Variants in MAVS observed in about 807,000 individuals in gnomAD.
MAVS encodes mitochondrial antiviral signaling protein.
In MAVS, 20 loss-of-function variants were observed where a neutral mutation model predicts 30.2. The observed-to-expected ratio is 0.66, with a 90% CI of 0.47 to 0.96. The LOEUF (loss-of-function observed/expected upper bound fraction) is 0.96. Ranked by LOEUF, MAVS falls within the 40% of genes least tolerant of loss-of-function variation. MAVS has a pLI of 0.00. For missense variants in MAVS, 624 were observed against 701.1 expected, an observed-to-expected ratio of 0.89 and a Z score of 1.24; for synonymous variants, 278 against 293.9, an observed-to-expected ratio of 0.95 and a Z score of 0.55.
At position 3,866,523 on chromosome 20, in the gene MAVS, TGCCTCTCCTGTTGCATTGGTCCCTGAAG is replaced by T. The variant is rs1456824171; in HGVS notation, c.*382_*409del. 5.8e-6 allele frequency: 2 copies of T among 347,638 alleles called. No individual in the cohort carries two copies. Among genetic ancestry groups the T allele is most frequent in the African/African-American group, 4.2e-5 (2 of 47,772 alleles). 21.5% of individuals were successfully genotyped at this position (347,638 alleles called of 1,614,324 possible). ...CACTGGAACATGTGGTGCTTGGGAA[TGCCTCTCCTGTTGCATTGGTCCCTGAAG>T]GCCTCAGGGCAGGTATGTGGTGTGT... On this transcript the variant is annotated 3_prime_UTR_variant, in exon 7 of 7. Transcript: ENST00000428216.
intron 4 of MAVS, among the ~76,000 whole-genome samples, chr20:3,861,740 G>GTT (rs912191491): frequency 2.1e-5 from 3 of 139,936 alleles, no homozygotes; most frequent in Admixed American, 1.4e-4. Flanking sequence ...GGAGACCACA[G>GTT]TTTTGTGTGT....
rs1487773652 is a variant in MAVS at position 3,865,648 on chromosome 20, C to A, written c.1159-35C>A. On this transcript the variant is annotated intron_variant, in intron 6 of 6. Coordinates refer to ENST00000428216, the MANE Select transcript of MAVS (RefSeq NM_020746.5). The surrounding 1 kb of genome is among the most constrained non-coding windows in gnomAD (Gnocchi z 4.7). ...CTACCAGGTTCGTCTCCCTGCCAACCCCAGTCCCTTCCAGTGCTCTCCTTT... is the reference window on the plus strand; with the variant it reads ...CTACCAGGTTCGTCTCCCTGCCAACACCAGTCCCTTCCAGTGCTCTCCTTT... The A allele has an allele frequency of 3.9e-6, 6 of 1,553,800 alleles. No homozygotes were observed. Among genetic ancestry groups the A allele is most frequent in the Admixed American group, 3.8e-5 (2 of 52,446 alleles).
At chr20:3,854,871 T>C (rs2089795930) in intron 2 of MAVS, 130 bp downstream of exon 2, 2 of 538,328 alleles carry the variant, frequency 3.7e-6, no homozygotes, top group East Asian at 6.6e-5. Flanking sequence ...TGTGTCTTGC[T>C]CCTTGTCCTT....
At position 3,869,403 on chromosome 20, in the gene MAVS, G is replaced by A. The variant is rs2089936617; in HGVS notation, c.*3256G>A. On this transcript the variant is annotated 3_prime_UTR_variant, in exon 7 of 7. Transcript: ENST00000428216. ...TTAGCCAGGATGGTCTCGATCTCCTGACCTTGTGATCCGCCCGCCTCGGCC... is the reference window on the plus strand; with the variant it reads ...TTAGCCAGGATGGTCTCGATCTCCTAACCTTGTGATCCGCCCGCCTCGGCC... 1 of 151,966 alleles carries A rather than the reference G, an allele frequency of 6.6e-6. No homozygotes were observed. The highest frequency in any genetic ancestry group is 6.6e-5 in the Admixed American group (1 of 15,228). 9.4% of individuals were successfully genotyped at this position (151,966 alleles called of 1,614,324 possible).
chr20:3,862,509 A>G (rs972744473), intron 5 of MAVS, 96 bp downstream of exon 5: 15 of 1,349,030 alleles, frequency 1.1e-5, no homozygotes, highest in Non-Finnish European at 1.4e-5. Flanking sequence ...ACAGGAGACA[A>G]GGTGGGAATA....
intron 3 of MAVS, among the ~76,000 whole-genome samples, chr20:3,859,957 C>T (rs1303538419): frequency 1.3e-5 from 2 of 151,902 alleles, no homozygotes; most frequent in Admixed American, 6.6e-5. Flanking sequence ...GCTGGGACTA[C>T]AGGCGCCTGC....
chr20:3,848,421 C>T (rs1168690680), intron 1 of MAVS, among the ~76,000 whole-genome samples: 2 of 152,168 alleles, frequency 1.3e-5, no homozygotes, highest in Non-Finnish European at 1.5e-5. Context: ...TATTAACTCC[C>T]ATAGAGTTGT....
At chr20:3,852,057 C>A (rs1201588675) in intron 1 of MAVS, among the ~76,000 whole-genome samples, 2 of 145,304 alleles carry the variant, frequency 1.4e-5, no homozygotes, top group African/African-American at 5.4e-5. Flanking sequence ...TGCAGTGGCG[C>A]AATCTTGGCT....
At chr20:3,861,549 A>G (rs45525040) in intron 4 of MAVS, 45 bp downstream of exon 4, 17,251 of 1,588,792 alleles carry the variant, frequency 0.011, 149 homozygotes, top group Non-Finnish European at 0.012. Flanking sequence ...TTGTGTTCCT[A>G]TCTGCCCACT....
intron 1 of MAVS, among the ~76,000 whole-genome samples, chr20:3,851,320 T>G (rs2089757877): frequency 6.7e-6 from 1 of 150,206 alleles, no homozygotes; most frequent in South Asian, 2.1e-4. Flanking sequence ...AGAGCGAGAC[T>G]CTTTCTCAAA....
In MAVS at chr20:3,850,885, CAA is replaced by C. The variant is rs35643330; in HGVS notation, c.-67-3654_-67-3653del. On this transcript the variant is annotated intron_variant, in intron 1 of 6. Coordinates refer to ENST00000428216, the MANE Select transcript of MAVS (RefSeq NM_020746.5). ...TTGGTGACAGAGCGAAACTCCGTCTCAAAAAAAAAAAAAAAAAAAATTTAAGC... is the reference window on the plus strand; with the variant it reads ...TTGGTGACAGAGCGAAACTCCGTCTCAAAAAAAAAAAAAAAAAATTTAAGC... 9.9e-3 allele frequency among the ~76,000 whole-genome samples: 922 copies of C among 93,420 alleles called. 4 individuals are homozygous for C. The highest frequency in any genetic ancestry group is 0.029 in the African/African-American group (786 of 27,204). The allele number at this position is 93,420 out of a possible 152,430, so 61.3% of individuals were successfully genotyped here. A position where few individuals can be genotyped will look rare whatever the true frequency, so the allele number is the denominator to read the frequency against.
rs2089917125 is a variant in MAVS, at chr20:3,867,323, T to G, written c.*1176T>G. The G allele has an allele frequency of 3.0e-6, 1 of 330,434 alleles. No individual in the cohort carries two copies. The highest frequency in any genetic ancestry group is 2.2e-5 in the African/African-American group (1 of 46,422). 20.5% of individuals were successfully genotyped at this position (330,434 alleles called of 1,614,324 possible). On this transcript the variant is annotated 3_prime_UTR_variant, in exon 7 of 7. Transcript: ENST00000428216. ...TGTGAAGATTAAAGGAGTTTATCGA[T>G]GTAGGTCTTAGGATGAGTCCTGGCA...
intron 3 of MAVS, 182 bp downstream of exon 3, chr20:3,857,991 A>C: frequency 1.4e-6 from 1 of 692,964 alleles, no homozygotes; most frequent in Non-Finnish European, 2.5e-6. Context: ...CCTTTGGCCA[A>C]GTCCCTTAAT....
At chr20:3,854,328 G>A (rs1311594031) in intron 1 of MAVS, among the ~76,000 whole-genome samples, 2 of 148,076 alleles carry the variant, frequency 1.4e-5, no homozygotes, top group East Asian at 4.2e-4. Flanking sequence ...GGGAGGCTGA[G>A]GCAAGAGACT....
chr20:3,874,912 C>T lies in MAVS; in HGVS notation c.*8765C>T, dbSNP rs1294115949. ...CCAGCTGCCTACACCCCCCTAGGGT[C>T]AGTGGCGCCTGCCTGTGAGGGTGAG... On this transcript the variant is annotated 3_prime_UTR_variant, in exon 7 of 7. Coordinates refer to ENST00000428216, the MANE Select transcript of MAVS (RefSeq NM_020746.5). 1 of 152,414 alleles carries T rather than the reference C, an allele frequency of 6.6e-6. No homozygotes were observed. 9.4% of individuals were successfully genotyped at this position (152,414 alleles called of 1,614,324 possible).
rs2089976326 is a variant in MAVS at position 3,874,408 on chromosome 20, A to G, written c.*8261A>G. On this transcript the variant is annotated 3_prime_UTR_variant, in exon 7 of 7. Transcript: ENST00000428216. ...AAAAACCACCTAAACAAGAGCAGAG[A>G]GGCCATTTGGTCAAAGTTTGCAAAG... The G allele has an allele frequency of 2.5e-6, 1 of 394,596 alleles. No homozygotes were observed. Among genetic ancestry groups the G allele is most frequent in the South Asian group, 1.4e-4 (1 of 6,988 alleles). The allele number at this position is 394,596 out of a possible 1,614,324, so 24.4% of individuals were successfully genotyped here. A position where few individuals can be genotyped will look rare whatever the true frequency, so the allele number is the denominator to read the frequency against.
At chr20:3,851,990 C>CTTTTTT (rs770960832) in intron 1 of MAVS, among the ~76,000 whole-genome samples, 10 of 80,450 alleles carry the variant, frequency 1.2e-4, no homozygotes, top group African/African-American at 1.1e-3. Context: ...GTGTAGCAGG[C>CTTTTTT]TTTTTTTTTT....
At chr20:3,853,258 G>A (rs548241758) in intron 1 of MAVS, among the ~76,000 whole-genome samples, 11 of 150,360 alleles carry the variant, frequency 7.3e-5, no homozygotes, top group Admixed American at 2.6e-4. Flanking sequence ...AGGCCGAGGC[G>A]GGCGCATCAC....
In MAVS at chr20:3,861,393, G is replaced by A. The variant is rs567710054; in HGVS notation, c.354G>A (p.Gly118=). 2 of 1,613,982 alleles carry A rather than the reference G, an allele frequency of 1.2e-6. No individual in the cohort carries two copies. The highest frequency in any genetic ancestry group is 2.2e-5 in the South Asian group (2 of 91,064). The change falls in exon 4 of 7, where the codon GGG becomes GGA. Residue 118 remains glycine, a synonymous_variant. Coordinates refer to ENST00000428216, the MANE Select transcript of MAVS (RefSeq NM_020746.5). ...CGTCACTTCCTGCTGAGAGGCCAGGGCCCCCCACACCTGCTGCGGCCCACA... is the reference window on the plus strand; with the variant it reads ...CGTCACTTCCTGCTGAGAGGCCAGGACCCCCCACACCTGCTGCGGCCCACA... ...EPPSLPAERP[G]PPTPAAAHSI...
Sources: gnomAD v4.1 joint callset for allele counts (sites outside exome capture counted in the v4.1 genomes callset) on GRCh38, gnomAD v4.1.1 for gene constraint, Gnocchi (gnomAD v3.1) non-coding constraint, MANE v1.5 for transcripts, NCBI Gene and HGNC (gene_info 2026-07-23, HGNC 2026-07-21) for gene names.